Variants in ATP8B4 observed in about 807,000 individuals in gnomAD.
ATP8B4 encodes probable phospholipid-transporting ATPase IM.
Under a neutral mutation model 145.6 loss-of-function variants are expected in ATP8B4, and 133 were observed. That is an observed-to-expected ratio of 0.91 (90% confidence interval 0.79 to 1.05). ATP8B4 has a LOEUF of 1.05. ATP8B4 is among the 50% of genes least tolerant of loss of function. The pLI, the probability that ATP8B4 is intolerant of heterozygous loss-of-function variation, is 0.00. For synonymous variants in ATP8B4, 507 were observed against 492.9 expected (o/e 1.03, Z -0.38); for missense variants, 1,458 against 1,425.2 (o/e 1.02, Z -0.37).
chr15:50,144,781 A>G (rs1265096624), intron 1 of ATP8B4, among the ~76,000 whole-genome samples: 1 of 151,440 alleles, frequency 6.6e-6, no homozygotes, highest in Non-Finnish European at 1.5e-5. Context: ...CTTCCTATCC[A>G]CAGGGCCTAC....
intron 27 of ATP8B4, among the ~76,000 whole-genome samples, chr15:49,860,833 T>A (rs1342957100): frequency 6.6e-6 from 1 of 152,146 alleles, no homozygotes; most frequent in Non-Finnish European, 1.5e-5. Context: ...CAAAACAGCC[T>A]TTTTCCTCTC....
chr15:50,180,452 T>G (rs1161970609), intron 1 of ATP8B4, among the ~76,000 whole-genome samples: 1 of 152,194 alleles, frequency 6.6e-6, no homozygotes, highest in Non-Finnish European at 1.5e-5. Context: ...TTGGGTCTTG[T>G]TTTCTTTTAC....
intron 2 of ATP8B4, among the ~76,000 whole-genome samples, chr15:50,102,789 A>C (rs1227524793): frequency 3.3e-5 from 5 of 151,484 alleles, no homozygotes; most frequent in Non-Finnish European, 7.4e-5. Context: ...GACATAACAA[A>C]AAAAAAAAAA....
intron 16 of ATP8B4, among the ~76,000 whole-genome samples, chr15:49,925,706 T>C (rs558855573): frequency 6.6e-6 from 1 of 152,320 alleles, no homozygotes; most frequent in Non-Finnish European, 1.5e-5. Flanking sequence ...CCTGATACTT[T>C]CCCTTAACCT....
chr15:49,982,280 T>C (rs530475888), intron 10 of ATP8B4, among the ~76,000 whole-genome samples: 1 of 152,218 alleles, frequency 6.6e-6, no homozygotes, highest in Non-Finnish European at 1.5e-5. Context: ...TGAGGTTTCA[T>C]AACAATTCAT....
intron 23 of ATP8B4, among the ~76,000 whole-genome samples, chr15:49,885,112 G>A (rs1017085881): frequency 6.6e-6 from 1 of 152,116 alleles, no homozygotes; most frequent in Non-Finnish European, 1.5e-5. Flanking sequence ...AGCCCTTCCT[G>A]GTCCCCTGCC....
At chr15:49,999,993 C>T (rs1848764451) in intron 8 of ATP8B4, among the ~76,000 whole-genome samples, 2 of 152,124 alleles carry the variant, frequency 1.3e-5, no homozygotes, top group African/African-American at 4.8e-5. Context: ...GTATAATTCT[C>T]TGAAGATTCA....
intron 3 of ATP8B4, among the ~76,000 whole-genome samples, chr15:50,051,499 C>T (rs1194559759): frequency 6.6e-6 from 1 of 152,132 alleles, no homozygotes; most frequent in Non-Finnish European, 1.5e-5. Context: ...GTCTGATGCA[C>T]ATTAATGTAC....
intron 19 of ATP8B4, 154 bp from the exon 20 acceptor site, chr15:49,917,193 C>A: frequency 1.6e-6 from 1 of 615,448 alleles, no homozygotes; most frequent in Non-Finnish European, 2.7e-6. Flanking sequence ...ACAAGCAGTG[C>A]AGAGGGAAAT....
intron 1 of ATP8B4, chr15:50,114,581 T>C (rs2057106807): frequency 1.3e-5 from 2 of 152,460 alleles, no homozygotes; most frequent in South Asian, 4.1e-4. Flanking sequence ...CACTTCCCTA[T>C]TGCTCCACCA....
At chr15:50,129,946 CAAAAAAAAAAAAAAA>C (rs59921497) in intron 1 of ATP8B4, among the ~76,000 whole-genome samples, 1 of 88,156 alleles carries the variant, frequency 1.1e-5, no homozygotes, top group Non-Finnish European at 2.2e-5. Flanking sequence ...GACTCTGACT[CAAAAAAAAAAAAAAA>C]AAAAAAAAGA....
chr15:50,172,550 C>T (rs1473607351), intron 1 of ATP8B4, among the ~76,000 whole-genome samples: 3 of 152,266 alleles, frequency 2.0e-5, no homozygotes, highest in African/African-American at 4.8e-5. Flanking sequence ...ATTGCAGTCT[C>T]TGCCCGGCCG....
chr15:50,066,711 G>T (rs1029675138), intron 3 of ATP8B4, among the ~76,000 whole-genome samples: 2 of 152,110 alleles, frequency 1.3e-5, no homozygotes, highest in Non-Finnish European at 2.9e-5. Context: ...CAGCCTGAAA[G>T]CTTTTATACT....
At chr15:50,064,392 T>C (rs2053235098) in intron 3 of ATP8B4, among the ~76,000 whole-genome samples, 1 of 152,122 alleles carries the variant, frequency 6.6e-6, no homozygotes, top group East Asian at 1.9e-4. Flanking sequence ...ATCAACAGTC[T>C]TGGCATGTGA....
In ATP8B4 at chr15:49,860,008, T is replaced by C. The variant is rs1233228566; in HGVS notation, c.*186A>G. 4 of 616,116 alleles carry C rather than the reference T, an allele frequency of 6.5e-6. No homozygotes were observed. Among genetic ancestry groups the C allele is most frequent in the Non-Finnish European group, 1.1e-5 (4 of 376,722 alleles). 38.2% of individuals were successfully genotyped at this position (616,116 alleles called of 1,614,324 possible). ...AATCACAAACCAGACAGTGACCCTCTGGCCTGGTTTTCCATAGCGCACACT... is the reference window on the plus strand; with the variant it reads ...AATCACAAACCAGACAGTGACCCTCCGGCCTGGTTTTCCATAGCGCACACT... On this transcript the variant is annotated 3_prime_UTR_variant, in exon 28 of 28. Coordinates refer to ENST00000284509, the MANE Select transcript of ATP8B4 (RefSeq NM_024837.4).
intron 9 of ATP8B4, among the ~76,000 whole-genome samples, chr15:49,993,375 A>AGTGT (rs34145133): frequency 0.28 from 42,369 of 151,142 alleles, 6,407 homozygotes; most frequent in East Asian, 0.57. Flanking sequence ...TGCTGATAGT[A>AGTGT]GTGTGTGTGT....
intron 3 of ATP8B4, among the ~76,000 whole-genome samples, chr15:50,070,744 T>A (rs1035678908): frequency 3.9e-5 from 6 of 152,146 alleles, no homozygotes; most frequent in Non-Finnish European, 7.3e-5. Context: ...TTTTGTTTTG[T>A]TTTGTTTGTT....
chr15:49,875,073 A>G (rs1210680355), intron 25 of ATP8B4, among the ~76,000 whole-genome samples: 1 of 152,196 alleles, frequency 6.6e-6, no homozygotes, highest in African/African-American at 2.4e-5. Context: ...AATTGTGAAC[A>G]CCAGTTTCAC....
chr15:50,160,310 GTGAATTTTA>G (rs1314098160), intron 1 of ATP8B4, among the ~76,000 whole-genome samples: 1 of 151,172 alleles, frequency 6.6e-6, no homozygotes, highest in African/African-American at 2.4e-5. Flanking sequence ...CTAAAGATTT[GTGAATTTTA>G]TCTTTTCGAA....
Sources: allele counts gnomAD v4.1 joint callset (sites outside exome capture counted in the v4.1 genomes callset), GRCh38; gene constraint gnomAD v4.1.1; transcripts MANE v1.5; gene names NCBI Gene and HGNC (gene_info 2026-07-23, HGNC 2026-07-21).